Variants in CTNNA3 observed in about 807,000 individuals in gnomAD.
The protein encoded by CTNNA3 is catenin alpha 3.
Under a neutral mutation model 95.7 loss-of-function variants are expected in CTNNA3, and 76 were observed. The ratio of observed to expected loss-of-function variants is 0.79; its 90% CI spans 0.66 to 0.96. The LOEUF is 0.96. Among genes scored for constraint, CTNNA3 ranks in the 40% least tolerant of loss-of-function variants. CTNNA3 has a pLI of 0.00. For synonymous variants in CTNNA3, 431 were observed against 374.4 expected, an observed-to-expected ratio of 1.15 and a Z score of -1.74; for missense variants, 1,191 against 1,089.8, an observed-to-expected ratio of 1.09 and a Z score of -1.31.
chr10:66,060,631 A>T (rs2080175458), intron 15 of CTNNA3, among the ~76,000 whole-genome samples: 1 of 152,108 alleles, frequency 6.6e-6, no homozygotes, highest in South Asian at 2.1e-4. Context: ...AGAAAGACTT[A>T]GGTATGATTA....
chr10:66,043,559 G>A (rs555750023), intron 15 of CTNNA3, among the ~76,000 whole-genome samples: 320 of 152,208 alleles, frequency 2.1e-3, no homozygotes, highest in African/African-American at 7.4e-3. Flanking sequence ...AAGACTACCA[G>A]TCCCCACTGA....
At chr10:65,994,458 T>C (rs2078608863) in intron 15 of CTNNA3, among the ~76,000 whole-genome samples, 1 of 151,888 alleles carries the variant, frequency 6.6e-6, no homozygotes, top group Admixed American at 6.6e-5. Context: ...TCCTCCCAGC[T>C]CTCTGAATGT....
chr10:66,707,220 C>T (rs1355214107), intron 9 of CTNNA3, among the ~76,000 whole-genome samples: 1 of 151,938 alleles, frequency 6.6e-6, no homozygotes, highest in African/African-American at 2.4e-5. Flanking sequence ...GAAAAATTTA[C>T]TATTAGATAA....
intron 7 of CTNNA3, among the ~76,000 whole-genome samples, chr10:67,149,878 T>C (rs1861017041): frequency 6.6e-6 from 1 of 152,248 alleles, no homozygotes; most frequent in South Asian, 2.1e-4. Flanking sequence ...ATTTTGATAA[T>C]GTTTTTCGAG....
rs575750590 is a variant in CTNNA3 at position 67,725,933 on chromosome 10, A to G, written c.-2+37501T>C. Reference sequence around the variant, plus strand: ...TATATTGTACATAATATATAATTATATAATTATTTTTAGTATATGTATATA... The same window carrying G: ...TATATTGTACATAATATATAATTATGTAATTATTTTTAGTATATGTATATA... On this transcript the variant is annotated intron_variant, in intron 1 of 17. Coordinates refer to the CTNNA3 transcript ENST00000684154. Among the ~76,000 whole-genome samples, 6 of 139,788 alleles carry G rather than the reference A, an allele frequency of 4.3e-5. No homozygotes were observed. The South Asian group carries it at 1.3e-3, about 30-fold the overall frequency. 91.7% of individuals were successfully genotyped at this position (139,788 alleles called of 152,430 possible).
At chr10:66,048,515 C>G (rs983252641) in intron 15 of CTNNA3, among the ~76,000 whole-genome samples, 2 of 152,156 alleles carry the variant, frequency 1.3e-5, no homozygotes, top group Non-Finnish European at 2.9e-5. Context: ...AATCCCAGCA[C>G]TTTGGGAGGC....
chr10:67,236,686 T>G (rs917111862), intron 5 of CTNNA3, among the ~76,000 whole-genome samples: 1 of 149,518 alleles, frequency 6.7e-6, no homozygotes, highest in Non-Finnish European at 1.5e-5. Flanking sequence ...AATAAAAAAA[T>G]AAAAAAAGAA....
At chr10:66,127,979 G>A (rs1175393215) in intron 13 of CTNNA3, among the ~76,000 whole-genome samples, 1 of 152,106 alleles carries the variant, frequency 6.6e-6, no homozygotes, top group Non-Finnish European at 1.5e-5. Flanking sequence ...GGCTGAGGCA[G>A]GAGAATCGCT....
chr10:66,298,564 C>T (rs954965622), intron 12 of CTNNA3, among the ~76,000 whole-genome samples: 2 of 152,108 alleles, frequency 1.3e-5, no homozygotes, highest in Non-Finnish European at 2.9e-5. Flanking sequence ...TATCCATCAC[C>T]CTTTCTTCCA....
intron 10 of CTNNA3, among the ~76,000 whole-genome samples, chr10:66,568,997 G>A (rs752356911): frequency 1.3e-5 from 2 of 152,138 alleles, no homozygotes; most frequent in South Asian, 4.2e-4. Context: ...CAAAGGATCT[G>A]CAGGAGCTGT....
chr10:66,494,074 A>G (rs1840022302), intron 11 of CTNNA3, among the ~76,000 whole-genome samples: 1 of 150,390 alleles, frequency 6.6e-6, no homozygotes, highest in Non-Finnish European at 1.5e-5. Flanking sequence ...TGCCCAGCTA[A>G]TTTTTGTATT....
At chr10:67,645,431 G>A (rs1397181795) in intron 2 of CTNNA3, among the ~76,000 whole-genome samples, 2 of 152,080 alleles carry the variant, frequency 1.3e-5, no homozygotes, top group African/African-American at 4.8e-5. Context: ...TTGTTATAGA[G>A]CAAATAAGGG....
chr10:66,388,398 T>C (rs1240849840), intron 11 of CTNNA3, among the ~76,000 whole-genome samples: 1 of 152,116 alleles, frequency 6.6e-6, no homozygotes, highest in African/African-American at 2.4e-5. Flanking sequence ...GGAGAAAATA[T>C]ACAAAGAATA....
At chr10:67,347,438 T>C (rs542068907) in intron 5 of CTNNA3, among the ~76,000 whole-genome samples, 1 of 152,284 alleles carries the variant, frequency 6.6e-6, no homozygotes, top group Non-Finnish European at 1.5e-5. Context: ...TTATTTAAAG[T>C]CACTTTTTTC....
chr10:66,266,358 C>T (rs2091158986), intron 13 of CTNNA3, among the ~76,000 whole-genome samples: 1 of 151,998 alleles, frequency 6.6e-6, no homozygotes, highest in Non-Finnish European at 1.5e-5. Context: ...GCCTAACACA[C>T]TGTCTTTCAG....
intron 15 of CTNNA3, among the ~76,000 whole-genome samples, chr10:66,031,506 T>G (rs2079448670): frequency 6.6e-6 from 1 of 151,972 alleles, no homozygotes. Context: ...CCAGGCACAC[T>G]GGGGACACAT....
chr10:66,448,119 A>G (rs1351012450), intron 11 of CTNNA3, among the ~76,000 whole-genome samples: 6 of 152,158 alleles, frequency 3.9e-5, no homozygotes, highest in African/African-American at 1.2e-4. Context: ...AATCAAAACC[A>G]CAATGAGATA....
intron 5 of CTNNA3, among the ~76,000 whole-genome samples, chr10:67,234,132 A>G (rs1156598900): frequency 3.3e-5 from 5 of 152,202 alleles, no homozygotes; most frequent in Non-Finnish European, 5.9e-5. Context: ...CAATCAATAG[A>G]AAAAGAGGGA....
chr10:66,996,428 C>G (rs2132958398), intron 7 of CTNNA3, among the ~76,000 whole-genome samples: 1 of 152,108 alleles, frequency 6.6e-6, no homozygotes, highest in South Asian at 2.1e-4. Context: ...GGCAGATTGC[C>G]TGGGCTCAGG....
Sources: allele counts gnomAD v4.1 joint callset (sites outside exome capture counted in the v4.1 genomes callset), GRCh38; gene constraint gnomAD v4.1.1; transcripts MANE v1.5; gene names NCBI Gene and HGNC (gene_info 2026-07-23, HGNC 2026-07-21).